Variants in PALM2AKAP2 observed in about 807,000 individuals in gnomAD.
PALM2AKAP2 encodes the protein PALM2-AKAP2 fusion protein.
In PALM2AKAP2, 37 loss-of-function variants were observed where a neutral mutation model predicts 71.5. The observed-to-expected ratio is 0.52, with a 90% CI of 0.40 to 0.68. PALM2AKAP2 has a LOEUF of 0.68. PALM2AKAP2 is among the 30% of genes least tolerant of loss of function. PALM2AKAP2 has a pLI of 0.00. For synonymous variants in PALM2AKAP2, 468 were observed against 478.8 expected (o/e 0.98, Z 0.29); for missense variants, 1,224 against 1,191.8 (o/e 1.03, Z -0.40).
chr9:110,096,097 C>A (rs540918908), intron 1 of PALM2AKAP2, among the ~76,000 whole-genome samples: 6 of 152,294 alleles, frequency 3.9e-5, no homozygotes, highest in African/African-American at 1.4e-4. Context: ...TTTACCCTGA[C>A]CAATTTATTA....
intron 1 of PALM2AKAP2, among the ~76,000 whole-genome samples, chr9:109,787,532 G>A (rs1358650724): frequency 6.6e-6 from 1 of 152,168 alleles, no homozygotes; most frequent in Middle Eastern, 3.2e-3. Context: ...TAGTAAGCAG[G>A]AGTAGTAAAC....
chr9:109,699,733 C>A (rs1398950551), intron 1 of PALM2AKAP2, among the ~76,000 whole-genome samples: 2 of 151,764 alleles, frequency 1.3e-5, no homozygotes, highest in Non-Finnish European at 2.9e-5. Flanking sequence ...TTTTTTTTCC[C>A]CTGTATTTTC....
intron 3 of PALM2AKAP2, among the ~76,000 whole-genome samples, chr9:109,896,224 C>G (rs1291223540): frequency 6.6e-6 from 1 of 151,988 alleles, no homozygotes; most frequent in Non-Finnish European, 1.5e-5. Flanking sequence ...CATTAGATCT[C>G]ATGAGAACTC....
At chr9:109,966,325 C>A (rs1023631163) in intron 6 of PALM2AKAP2, among the ~76,000 whole-genome samples, 4 of 152,138 alleles carry the variant, frequency 2.6e-5, no homozygotes, top group African/African-American at 9.7e-5. Context: ...TTCAGAAGAG[C>A]CTTGATAGAC....
At chr9:110,068,059 A>C (rs148221805) in intron 1 of PALM2AKAP2, among the ~76,000 whole-genome samples, 1 of 144,282 alleles carries the variant, frequency 6.9e-6, no homozygotes. Context: ...GATTGGGTTT[A>C]GAGTTGTATT....
chr9:109,818,190 A>G (rs1184735665), intron 1 of PALM2AKAP2, among the ~76,000 whole-genome samples: 2 of 152,244 alleles, frequency 1.3e-5, no homozygotes, highest in African/African-American at 2.4e-5. Flanking sequence ...GAAACAGAAA[A>G]GGTATAAATA....
At chr9:109,842,487 CT>C (rs1212120332) in intron 1 of PALM2AKAP2, among the ~76,000 whole-genome samples, 1 of 152,174 alleles carries the variant, frequency 6.6e-6, no homozygotes, top group African/African-American at 2.4e-5. Context: ...CATTATCCAG[CT>C]TAAACTCAAC....
At chr9:109,645,136 A>G (rs1457051837) in intron 1 of PALM2AKAP2, among the ~76,000 whole-genome samples, 1 of 152,188 alleles carries the variant, frequency 6.6e-6, no homozygotes, top group African/African-American at 2.4e-5. Context: ...GCAATTTACA[A>G]AGGAAAGAGG....
At chr9:109,968,582 G>T (rs1564238497) in intron 6 of PALM2AKAP2, among the ~76,000 whole-genome samples, 1 of 152,112 alleles carries the variant, frequency 6.6e-6, no homozygotes, top group Non-Finnish European at 1.5e-5. Flanking sequence ...ACAAAGGGAG[G>T]TGGGAAACCT....
intron 6 of PALM2AKAP2, among the ~76,000 whole-genome samples, chr9:109,932,255 C>T (rs574313453): frequency 6.6e-6 from 1 of 152,242 alleles, no homozygotes; most frequent in Non-Finnish European, 1.5e-5. Context: ...GGCATTTCAC[C>T]TCCGACTTCG....
chr9:109,927,018 C>T (rs1039722732), intron 5 of PALM2AKAP2, among the ~76,000 whole-genome samples: 9 of 152,190 alleles, frequency 5.9e-5, no homozygotes, highest in African/African-American at 1.9e-4. Flanking sequence ...CAGACTCCAT[C>T]CTCCAGGATG....
chr9:109,676,670 T>C (rs1827653319), intron 1 of PALM2AKAP2, among the ~76,000 whole-genome samples: 1 of 152,044 alleles, frequency 6.6e-6, no homozygotes, highest in Admixed American at 6.6e-5. Flanking sequence ...ATCCCCAAGA[T>C]GCACCAACTT....
chr9:110,150,584 TCACAAC>T (rs1342860999), intron 2 of PALM2AKAP2, among the ~76,000 whole-genome samples: 2 of 152,230 alleles, frequency 1.3e-5, no homozygotes, highest in African/African-American at 4.8e-5. Context: ...CTAAACTTAA[TCACAAC>T]TGCAAAGTTC....
At chr9:110,075,020 GA>G (rs1363292348) in intron 1 of PALM2AKAP2, among the ~76,000 whole-genome samples, 3 of 149,834 alleles carry the variant, frequency 2.0e-5, no homozygotes, top group African/African-American at 7.5e-5. Flanking sequence ...AAAAGAAAAA[GA>G]AAAAGAAAAA....
At chr9:110,048,149 G>A (rs1237742487), upstream of PALM2AKAP2, among the ~76,000 whole-genome samples, 1 of 152,172 alleles carries the variant, frequency 6.6e-6, no homozygotes, top group Non-Finnish European at 1.5e-5. Flanking sequence ...CCACAAAGAC[G>A]CACTTCGCAA....
Position 109,880,630 on chromosome 9 carries a change from A to T in PALM2AKAP2, c.206A>T (p.Gln69Leu), listed in dbSNP as rs138820002. 9.3e-6 allele frequency: 15 copies of T among 1,614,112 alleles called. No individual in the cohort carries two copies. Among genetic ancestry groups the T allele is most frequent in the Non-Finnish European group, 1.3e-5 (15 of 1,180,018 alleles). The change falls in exon 3 of 10, where the codon CAG (glutamine) becomes CTG (leucine). Residue 69 changes from glutamine to leucine, a missense_variant. Gln to Leu is a moderately radical substitution (Grantham distance 113). Coordinates refer to the PALM2AKAP2 transcript ENST00000302798. ...GAAGAGGAGGAAGCCAGGAGGCGGC[A>T]GTCTGAAGAGGATGAGTTCAGAGTC...
intron 3 of PALM2AKAP2, among the ~76,000 whole-genome samples, chr9:109,883,565 T>C (rs944372626): frequency 6.6e-6 from 1 of 152,222 alleles, no homozygotes; most frequent in Non-Finnish European, 1.5e-5. Context: ...GCTGGCATCT[T>C]CTCTACCACA....
chr9:110,096,793 G>A (rs1053101993), intron 1 of PALM2AKAP2, among the ~76,000 whole-genome samples: 3 of 151,796 alleles, frequency 2.0e-5, no homozygotes, highest in African/African-American at 4.8e-5. Flanking sequence ...GGGGGGTTGG[G>A]GGGGGGTGAG....
chr9:109,650,744 T>C (rs1827213937), intron 1 of PALM2AKAP2, among the ~76,000 whole-genome samples: 1 of 152,196 alleles, frequency 6.6e-6, no homozygotes. Flanking sequence ...GACACAATTT[T>C]CCTTCCAATT....
Sources: gnomAD v4.1 joint callset for allele counts (sites outside exome capture counted in the v4.1 genomes callset) on GRCh38, gnomAD v4.1.1 for gene constraint, MANE v1.5 for transcripts, NCBI Gene and HGNC (gene_info 2026-07-23, HGNC 2026-07-21) for gene names.